OR51G2: variants seen among roughly 807,000 people sequenced by gnomAD.
OR51G2 encodes olfactory receptor family 51 subfamily G member 2.
OR51G2 carries 13 observed loss-of-function variants against 11.8 expected under a neutral mutation model. The ratio of observed to expected loss-of-function variants is 1.10; its 90% CI spans 0.72 to 1.76. The LOEUF (loss-of-function observed/expected upper bound fraction) is 1.76. OR51G2 is among the 40% of genes most tolerant of loss of function. The probability of loss-of-function intolerance (pLI) is 0.00; values close to 1 mark genes in which losing one functional copy is unlikely to be tolerated. For synonymous variants in OR51G2, 178 were observed against 151.9 expected (o/e 1.17, Z -1.26); for missense variants, 474 against 394.4 (o/e 1.20, Z -1.71).
Position 4,914,544 on chromosome 11 carries a change from A to AG in OR51G2, c.*174_*175insC, listed in dbSNP as rs11378088. 1.1e-5 allele frequency: 6 copies of AG among 541,212 alleles called. No individual in the cohort carries two copies. In the African/African-American group the frequency reaches 1.1e-4, roughly 10 times the overall value. 33.5% of individuals were successfully genotyped at this position (541,212 alleles called of 1,614,324 possible). A position where few individuals can be genotyped will look rare whatever the true frequency, so the allele number is the denominator to read the frequency against. Reference sequence around the variant, plus strand: ...AATTTACCACATCATATTACATTTTACCCCCCCCTGCCCTGGCCACAACAG... The same window carrying AG: ...AATTTACCACATCATATTACATTTTAGCCCCCCCCTGCCCTGGCCACAACAG... On this transcript the variant is annotated 3_prime_UTR_variant, in exon 2 of 2. Transcript: ENST00000641926.
In OR51G2 at chr11:4,915,705, C is replaced by T. The variant is rs753886628; in HGVS notation, c.-42G>A. 1 of 1,456,736 alleles carries T rather than the reference C, an allele frequency of 6.9e-7. No individual in the cohort carries two copies. The highest frequency in any genetic ancestry group is 9.4e-7 in the Non-Finnish European group (1 of 1,060,388). The allele number at this position is 1,456,736 out of a possible 1,614,324, so 90.2% of individuals were successfully genotyped here. A position where few individuals can be genotyped will look rare whatever the true frequency, so the allele number is the denominator to read the frequency against. On this transcript the variant is annotated 5_prime_UTR_variant, in exon 2 of 2. Transcript: ENST00000641926. ...GGGGAAGGTGGGTGCCCTCCAAAATCCTGAAGTAAATTGAGGCAGTACTGG... is the reference window on the plus strand; with the variant it reads ...GGGGAAGGTGGGTGCCCTCCAAAATTCTGAAGTAAATTGAGGCAGTACTGG...
In OR51G2 at chr11:4,914,901, G is replaced by A. The variant is rs777651022; in HGVS notation, c.763C>T (p.Leu255Phe). 1.2e-6 allele frequency: 2 copies of A among 1,614,148 alleles called. No individual in the cohort carries two copies. Among genetic ancestry groups the A allele is most frequent in the Admixed American group, 1.7e-5 (1 of 60,032 alleles). The change falls in exon 2 of 2, where the codon CTC becomes TTC. Residue 255 changes from leucine to phenylalanine, a missense_variant. Physicochemically the swap from Leu to Phe is conservative, Grantham distance 22 (BLOSUM62 0). Coordinates refer to ENST00000641926, the MANE Select transcript of OR51G2 (RefSeq NM_001005238.2). ...AGGCCAATCATGGGAGTGTAGAAGAGCAGCACAGCACAGATGTGGGAAACA... is the reference window on the plus strand; with the variant it reads ...AGGCCAATCATGGGAGTGTAGAAGAACAGCACAGCACAGATGTGGGAAACA... ...TCVSHICAVL[L>F]FYTPMIGLSV...
rs1851011614 is a variant in OR51G2, at chr11:4,912,835, A to T, written c.*1884T>A. On this transcript the variant is annotated 3_prime_UTR_variant, in exon 2 of 2. Coordinates refer to ENST00000641926, the MANE Select transcript of OR51G2 (RefSeq NM_001005238.2). ...GCTAGAGAAGACCTTTTCCCACTCC[A>T]CTGTTGATCTTCATTTTTAGATTAA... 6.6e-6 allele frequency: 1 copy of T among 151,898 alleles called. No homozygotes were observed. The highest frequency in any genetic ancestry group is 2.1e-4 in the South Asian group (1 of 4,810). The allele number at this position is 151,898 out of a possible 1,614,324, so 9.4% of individuals were successfully genotyped here.
In OR51G2 at chr11:4,914,825, A is replaced by G. The variant is rs1455625044; in HGVS notation, c.839T>C (p.Val280Ala). The change falls in exon 2 of 2, where the codon GTC becomes GCC. Residue 280 changes from valine (V) to alanine (A), a missense_variant. Val to Ala is a moderately conservative substitution (Grantham distance 64). Coordinates refer to ENST00000641926, the MANE Select transcript of OR51G2 (RefSeq NM_001005238.2). The part of the protein sequence containing the change: ...GKQAPHLVQV[V>A]MGFMYLLFPP... ...AAAGAGAAGATACATGAAACCCATG[A>G]CCACCTGGACCAGGTGGGGTGCCTG... 6.2e-7 allele frequency: 1 copy of G among 1,613,828 alleles called. No homozygotes were observed. Among genetic ancestry groups the G allele is most frequent in the African/African-American group, 1.3e-5 (1 of 74,884 alleles).
rs1169433447 is a variant in OR51G2, at chr11:4,913,293, A to G, written c.*1426T>C. 1 of 152,240 alleles carries G rather than the reference A, an allele frequency of 6.6e-6. No homozygotes were observed. Among genetic ancestry groups the G allele is most frequent in the Non-Finnish European group, 1.5e-5 (1 of 68,060 alleles). 9.4% of individuals were successfully genotyped at this position (152,240 alleles called of 1,614,324 possible). On this transcript the variant is annotated 3_prime_UTR_variant, in exon 2 of 2. Coordinates refer to ENST00000641926, the MANE Select transcript of OR51G2 (RefSeq NM_001005238.2). ...ATATCCAATGTTAAATGTCAGGTGTACTAGATTGCCTTGGAAGAGACCAAC... is the reference window on the plus strand; with the variant it reads ...ATATCCAATGTTAAATGTCAGGTGTGCTAGATTGCCTTGGAAGAGACCAAC...
chr11:4,915,878 G>A (rs1018868282), intron 1 of OR51G2, 139 bp from the exon 2 acceptor site: 7 of 499,502 alleles, frequency 1.4e-5, no homozygotes, highest in African/African-American at 1.3e-4. Flanking sequence ...TCAATAAGAA[G>A]CAAAGACATG....
In OR51G2 at chr11:4,914,544, A is replaced by AT. The variant is rs11378088; in HGVS notation, c.*174_*175insA. 18 of 541,212 alleles carry AT rather than the reference A, an allele frequency of 3.3e-5. 1 individual carries two copies. The South Asian group carries it at 5.6e-4, about 17-fold the overall frequency. 33.5% of individuals were successfully genotyped at this position (541,212 alleles called of 1,614,324 possible). A position where few individuals can be genotyped will look rare whatever the true frequency, so the allele number is the denominator to read the frequency against. ...AATTTACCACATCATATTACATTTT[A>AT]CCCCCCCCTGCCCTGGCCACAACAG... is the stretch of plus-strand genomic sequence containing the variant. On this transcript the variant is annotated 3_prime_UTR_variant, in exon 2 of 2. Transcript: ENST00000641926.
At chr11:4,916,275 T>C (rs1375733312) in intron 1 of OR51G2, among the ~76,000 whole-genome samples, 2 of 152,172 alleles carry the variant, frequency 1.3e-5, no homozygotes. Context: ...TTTTCTCTTA[T>C]AGCAGCATAC....
rs1851066917 is a variant in OR51G2, at chr11:4,915,367, A to G, written c.297T>C (p.His99=). 3.1e-6 allele frequency: 5 copies of G among 1,614,106 alleles called. No homozygotes were observed. Among genetic ancestry groups the G allele is most frequent in the Non-Finnish European group, 4.2e-6 (5 of 1,180,018 alleles). Residue 99 remains histidine (H), a synonymous_variant, in exon 2 of 2, where the codon CAT becomes CAC. Coordinates refer to ENST00000641926, the MANE Select transcript of OR51G2 (RefSeq NM_001005238.2). The part of the protein sequence containing the change: ...IFWVGAREIS[H]DACFAQLFFI... ...AAAAGAGCTGAGCAAAGCAGGCATC[A>G]TGGCTAATTTCTCGTGCTCCAACCC...
In OR51G2 at chr11:4,915,361, G is replaced by T; in HGVS notation, c.303C>A (p.Ala101=). Residue 101 remains alanine (A), a synonymous_variant, in exon 2 of 2, where the codon GCC becomes GCA. Coordinates refer to ENST00000641926, the MANE Select transcript of OR51G2 (RefSeq NM_001005238.2). ...GAATGAAAAAGAGCTGAGCAAAGCA[G>T]GCATCATGGCTAATTTCTCGTGCTC... ...WVGAREISHD[A]CFAQLFFIHC... is the part of the protein sequence containing the mutation. The T allele has an allele frequency of 1.9e-6, 3 of 1,614,030 alleles. No homozygotes were observed. Among genetic ancestry groups the T allele is most frequent in the Non-Finnish European group, 2.5e-6 (3 of 1,180,000 alleles).
chr11:4,917,202 G>T (rs1851109865), intron 1 of OR51G2, among the ~76,000 whole-genome samples: 1 of 152,048 alleles, frequency 6.6e-6, no homozygotes, highest in Admixed American at 6.6e-5. Context: ...ATAGTAACTT[G>T]GTGCAGGTTT....
At chr11:4,915,812 C>A in intron 1 of OR51G2, 73 bp from the exon 2 acceptor site, 1 of 528,282 alleles carries the variant, frequency 1.9e-6, no homozygotes, top group South Asian at 3.7e-5. Flanking sequence ...GTGGTTATGT[C>A]TTTCTGGTCC....
rs533780002 is a variant in OR51G2, at chr11:4,913,890, A to G, written c.*829T>C. 2.0e-5 allele frequency: 3 copies of G among 152,240 alleles called. No individual in the cohort carries two copies. The East Asian group carries it at 5.8e-4, about 29-fold the overall frequency. The allele number at this position is 152,240 out of a possible 1,614,324, so 9.4% of individuals were successfully genotyped here. A position where few individuals can be genotyped will look rare whatever the true frequency, so the allele number is the denominator to read the frequency against. On this transcript the variant is annotated 3_prime_UTR_variant, in exon 2 of 2. Coordinates refer to ENST00000641926, the MANE Select transcript of OR51G2 (RefSeq NM_001005238.2). ...TTCCCTTAAGGCTATTACTGTGTCA[A>G]CTCAGGGAAAACTTTTCTGATGCTC...
intron 1 of OR51G2, among the ~76,000 whole-genome samples, chr11:4,916,702 AG>A (rs1319682274): frequency 6.6e-6 from 1 of 152,118 alleles, no homozygotes; most frequent in African/African-American, 2.4e-5. Flanking sequence ...AAAGGTGGAG[AG>A]TATGTGAATG....
Position 4,914,781 on chromosome 11 carries a change from T to A in OR51G2, c.883A>T (p.Ile295Phe). ...YLLFPPVMNP[I>F]VYSVKTKQIR... Reference sequence around the variant, plus strand: ...TGTTTGGTCTTCACACTGTAGACAATGGGATTCATCACAGGAGGAAAGAGA... The same window carrying A: ...TGTTTGGTCTTCACACTGTAGACAAAGGGATTCATCACAGGAGGAAAGAGA... Residue 295 changes from isoleucine (I) to phenylalanine (F), a missense_variant, in exon 2 of 2, where the codon ATT becomes TTT. Transcript: ENST00000641926. 5.6e-6 allele frequency: 9 copies of A among 1,613,870 alleles called. No individual in the cohort carries two copies. Among genetic ancestry groups the A allele is most frequent in the Non-Finnish European group, 7.6e-6 (9 of 1,179,956 alleles).
At chr11:4,917,865 CAG>C (rs1257291919) in intron 1 of OR51G2, among the ~76,000 whole-genome samples, 1 of 151,970 alleles carries the variant, frequency 6.6e-6, no homozygotes, top group Non-Finnish European at 1.5e-5. Flanking sequence ...GTAAAAAATT[CAG>C]AGAGCCTGAC....
At position 4,913,292 on chromosome 11, in the gene OR51G2, T is replaced by C. The variant is rs1334981284; in HGVS notation, c.*1427A>G. 5.9e-5 allele frequency: 9 copies of C among 152,332 alleles called. No individual in the cohort carries two copies. Among genetic ancestry groups the C allele is most frequent in the East Asian group, 1.9e-4 (1 of 5,186 alleles). The allele number at this position is 152,332 out of a possible 1,614,324, so 9.4% of individuals were successfully genotyped here. ...CATATCCAATGTTAAATGTCAGGTG[T>C]ACTAGATTGCCTTGGAAGAGACCAA... On this transcript the variant is annotated 3_prime_UTR_variant, in exon 2 of 2. Coordinates refer to ENST00000641926, the MANE Select transcript of OR51G2 (RefSeq NM_001005238.2).
At position 4,915,171 on chromosome 11, in the gene OR51G2, G is replaced by T. The variant is rs61747513; in HGVS notation, c.493C>A (p.Pro165Thr). The T allele has an allele frequency of 6.2e-7, 1 of 1,614,004 alleles. No individual in the cohort carries two copies. The highest frequency in any genetic ancestry group is 1.1e-5 in the South Asian group (1 of 91,080). ...TAGGGGAATCTTTTGAGCATAAAAGGTAATGGAAAAATGAGTGCTACACTA... is the reference window on the plus strand; with the variant it reads ...TAGGGGAATCTTTTGAGCATAAAAGTTAATGGAAAAATGAGTGCTACACTA... ...GRSVALIFPL[P>T]FMLKRFPYCG... The change falls in exon 2 of 2, where the codon CCT becomes ACT. Residue 165 changes from proline to threonine, a missense_variant. Pro to Thr is a conservative substitution (Grantham distance 38, BLOSUM62 -1). Transcript: ENST00000641926.
rs775127617 is a variant in OR51G2, at chr11:4,915,319, G to A, written c.345C>T (p.Leu115=). The A allele has an allele frequency of 4.2e-5, 67 of 1,613,822 alleles. No individual in the cohort carries two copies. Among genetic ancestry groups the A allele is most frequent in the African/African-American group, 3.9e-4 (29 of 74,904 alleles). The change falls in exon 2 of 2, where the codon CTC becomes CTT. Residue 115 remains leucine, a synonymous_variant. Transcript: ENST00000641926. ...CCATAGACAGTAGCACAGAGGACTC[G>A]AGGAAGGAGAAGCAGTGAATGAAAA... ...QLFFIHCFSF[L]ESSVLLSMAF...
Sources: allele counts gnomAD v4.1 joint callset (sites outside exome capture counted in the v4.1 genomes callset), GRCh38; gene constraint gnomAD v4.1.1; transcripts MANE v1.5; gene names NCBI Gene and HGNC (gene_info 2026-07-23, HGNC 2026-07-21).